Variants in AUTS2 observed in about 807,000 individuals in gnomAD.
AUTS2 encodes the protein autism susceptibility gene 2 protein.
AUTS2 carries 17 observed loss-of-function variants against 112.4 expected under a neutral mutation model. That is an observed-to-expected ratio of 0.15 (90% CI 0.10 to 0.23). The LOEUF (loss-of-function observed/expected upper bound fraction) is 0.23, where lower values mean the gene tolerates loss of function less well. Ranked by LOEUF, AUTS2 falls within the 10% of genes least tolerant of loss-of-function variation. AUTS2 has a pLI of 1.00. For synonymous variants in AUTS2, 751 were observed against 702.7 expected, an observed-to-expected ratio of 1.07 and a Z score of -1.09; for missense variants, 1,510 against 1,701.6, an observed-to-expected ratio of 0.89 and a Z score of 1.98.
intron 6 of AUTS2, among the ~76,000 whole-genome samples, chr7:70,751,335 T>C (rs1038719819): frequency 6.6e-6 from 1 of 152,222 alleles, no homozygotes; most frequent in Non-Finnish European, 1.5e-5. Flanking sequence ...TATTTAGTAA[T>C]GTAAATACTG....
At chr7:69,708,079 A>G (rs535152888) in intron 1 of AUTS2, among the ~76,000 whole-genome samples, 8 of 152,284 alleles carry the variant, frequency 5.3e-5, no homozygotes, top group African/African-American at 9.6e-5. Flanking sequence ...ATGAGCTCCA[A>G]CTGACATGTT....
chr7:69,814,428 C>T (rs1790670518), intron 1 of AUTS2, among the ~76,000 whole-genome samples: 1 of 152,156 alleles, frequency 6.6e-6, no homozygotes, highest in Admixed American at 6.5e-5. Context: ...ATGGTAGAGC[C>T]AGGCAGGAGA....
At chr7:69,882,336 T>A (rs1230647397) in intron 1 of AUTS2, among the ~76,000 whole-genome samples, 2 of 151,864 alleles carry the variant, frequency 1.3e-5, no homozygotes, top group Non-Finnish European at 2.9e-5. Context: ...ATAATTTTTT[T>A]AAAAAGTGAA....
intron 1 of AUTS2, among the ~76,000 whole-genome samples, chr7:69,697,228 T>C (rs994556689): frequency 2.6e-5 from 4 of 152,188 alleles, no homozygotes; most frequent in African/African-American, 9.7e-5. Flanking sequence ...TGAGAATCAG[T>C]TTTAGGATGT....
intron 4 of AUTS2, among the ~76,000 whole-genome samples, chr7:70,381,265 C>T (rs1037957892): frequency 2.0e-5 from 3 of 152,072 alleles, no homozygotes; most frequent in African/African-American, 7.2e-5. Flanking sequence ...CCCAATAATG[C>T]AATAGTGAAG....
At chr7:69,869,541 T>C (rs922333895) in intron 1 of AUTS2, among the ~76,000 whole-genome samples, 3 of 151,930 alleles carry the variant, frequency 2.0e-5, no homozygotes, top group Non-Finnish European at 4.4e-5. Flanking sequence ...TATATATATA[T>C]ATACACACAC....
intron 5 of AUTS2, among the ~76,000 whole-genome samples, chr7:70,458,339 T>C (rs1009192412): frequency 6.6e-6 from 1 of 152,230 alleles, no homozygotes; most frequent in African/African-American, 2.4e-5. Flanking sequence ...TATTACATGC[T>C]AAGAGCATTG....
At chr7:69,993,683 G>A (rs899000627) in intron 2 of AUTS2, among the ~76,000 whole-genome samples, 2 of 151,840 alleles carry the variant, frequency 1.3e-5, no homozygotes, top group African/African-American at 2.4e-5. Context: ...ACAGTGAGCC[G>A]TGATCATATT....
Position 69,631,062 on chromosome 7 carries a change from A to G in AUTS2, c.309+31100A>G, listed in dbSNP as rs78901183. 2.9e-3 allele frequency among the ~76,000 whole-genome samples: 443 copies of G among 152,270 alleles called. 5 individuals carry two copies. The highest frequency in any genetic ancestry group is 0.01 in the African/African-American group (429 of 41,532). On this transcript the variant is annotated intron_variant, in intron 1 of 18. Transcript: ENST00000342771. ...GGCGTAGAAACAAGAGGTAGAACAC[A>G]ATGCCTGCCCCATGGGGTTCACAGG...
chr7:70,788,471 T>G (rs1221540495), intron 18 of AUTS2, among the ~76,000 whole-genome samples: 1 of 152,162 alleles, frequency 6.6e-6, no homozygotes, highest in East Asian at 1.9e-4. Context: ...GGAGGAATGT[T>G]TATGACATTC....
At chr7:69,782,412 A>G (rs995098042) in intron 1 of AUTS2, among the ~76,000 whole-genome samples, 2 of 151,048 alleles carry the variant, frequency 1.3e-5, no homozygotes, top group Non-Finnish European at 2.9e-5. Context: ...CATTACATTA[A>G]TTGACTTCCA....
At chr7:69,845,772 C>T (rs1584330855) in intron 1 of AUTS2, among the ~76,000 whole-genome samples, 2 of 152,138 alleles carry the variant, frequency 1.3e-5, no homozygotes, top group East Asian at 3.9e-4. Context: ...TTTGTCAGGA[C>T]ATCCCAGATT....
At chr7:70,004,740 C>T (rs1799466025) in intron 2 of AUTS2, among the ~76,000 whole-genome samples, 1 of 151,742 alleles carries the variant, frequency 6.6e-6, no homozygotes, top group Non-Finnish European at 1.5e-5. Context: ...CATTTTCCCA[C>T]CTCAGTTTCA....
intron 1 of AUTS2, among the ~76,000 whole-genome samples, chr7:69,805,918 A>C (rs1056492320): frequency 6.6e-6 from 1 of 151,922 alleles, no homozygotes; most frequent in South Asian, 2.1e-4. Context: ...TTGTTTTTTG[A>C]GACAGGGTCT....
chr7:70,132,164 T>TAAAAAA (rs200482728), intron 3 of AUTS2, among the ~76,000 whole-genome samples: 1 of 102,594 alleles, frequency 9.7e-6, no homozygotes, highest in East Asian at 2.7e-4. Flanking sequence ...TCTTTTCCCT[T>TAAAAAA]AAAAAAAAAA....
intron 2 of AUTS2, among the ~76,000 whole-genome samples, chr7:70,068,470 C>T: frequency 6.6e-6 from 1 of 152,170 alleles, no homozygotes; most frequent in East Asian, 1.9e-4. Flanking sequence ...AGGCGTGAGC[C>T]ACTGTGCCCG....
intron 4 of AUTS2, among the ~76,000 whole-genome samples, chr7:70,324,333 T>C (rs759571440): frequency 1.1e-4 from 17 of 152,198 alleles, no homozygotes; most frequent in African/African-American, 3.9e-4. Flanking sequence ...TGAGAACAAC[T>C]ATCTGATGAA....
chr7:70,246,868 C>T (rs185022481), intron 4 of AUTS2, among the ~76,000 whole-genome samples: 63 of 151,792 alleles, frequency 4.2e-4, no homozygotes, highest in East Asian at 1.5e-3. Flanking sequence ...TTTCTCCTTC[C>T]GGAAAATTTT....
At chr7:69,925,340 G>C (rs1795966922) in intron 2 of AUTS2, among the ~76,000 whole-genome samples, 1 of 152,014 alleles carries the variant, frequency 6.6e-6, no homozygotes, top group South Asian at 2.1e-4. Context: ...TGAGTTTGTT[G>C]ATTTAAGATC....
Sources: allele counts gnomAD v4.1 joint callset (sites outside exome capture counted in the v4.1 genomes callset), GRCh38; gene constraint gnomAD v4.1.1; transcripts MANE v1.5; gene names NCBI Gene and HGNC (gene_info 2026-07-23, HGNC 2026-07-21).